Variants in SENP7 observed in about 807,000 individuals in gnomAD.
SENP7 encodes the protein SUMO specific peptidase 7.
Under a neutral mutation model 141.2 loss-of-function variants are expected in SENP7, and 64 were observed. The ratio of observed to expected loss-of-function variants is 0.45; its 90% CI spans 0.37 to 0.56. The LOEUF (loss-of-function observed/expected upper bound fraction) is 0.56, where lower values mean the gene tolerates loss of function less well. Ranked by LOEUF, SENP7 falls within the 20% of genes least tolerant of loss-of-function variation. The pLI is 0.00. For synonymous variants in SENP7, 382 were observed against 426.4 expected, an observed-to-expected ratio of 0.90 and a Z score of 1.28; for missense variants, 1,025 against 1,212.2, an observed-to-expected ratio of 0.85 and a Z score of 2.29.
intron 6 of SENP7, among the ~76,000 whole-genome samples, chr3:101,383,648 G>T (rs917626412): frequency 6.6e-6 from 1 of 152,214 alleles, no homozygotes; most frequent in Non-Finnish European, 1.5e-5. Flanking sequence ...ACCTGGCCAG[G>T]TGTACACATG....
chr3:101,494,629 T>C (rs1027944234), intron 2 of SENP7, among the ~76,000 whole-genome samples: 2 of 152,024 alleles, frequency 1.3e-5, no homozygotes, highest in African/African-American at 4.8e-5. Flanking sequence ...CAGAGAACTC[T>C]GAAATAAGAC....
intron 6 of SENP7, among the ~76,000 whole-genome samples, chr3:101,387,932 C>G (rs2060706077): frequency 6.6e-6 from 1 of 152,150 alleles, no homozygotes; most frequent in East Asian, 1.9e-4. Context: ...TGAGTACAAG[C>G]CTACCTGACA....
intron 4 of SENP7, among the ~76,000 whole-genome samples, chr3:101,450,395 A>G (rs2063082067): frequency 6.6e-6 from 1 of 152,186 alleles, no homozygotes; most frequent in Non-Finnish European, 1.5e-5. Context: ...TCCACCCCCA[A>G]TCAACAGAAT....
intron 4 of SENP7, among the ~76,000 whole-genome samples, chr3:101,453,247 A>T (rs1286680983): frequency 1.3e-5 from 2 of 152,224 alleles, no homozygotes; most frequent in Non-Finnish European, 2.9e-5. Context: ...GAGAAACTGG[A>T]ATACTTTTAC....
At chr3:101,461,733 A>T (rs2063553859) in intron 3 of SENP7, among the ~76,000 whole-genome samples, 1 of 152,202 alleles carries the variant, frequency 6.6e-6, no homozygotes, top group South Asian at 2.1e-4. Context: ...TAGAAGCATT[A>T]TTCAATAACA....
At chr3:101,436,494 A>G (rs2062392777) in intron 4 of SENP7, among the ~76,000 whole-genome samples, 1 of 152,218 alleles carries the variant, frequency 6.6e-6, no homozygotes, top group Non-Finnish European at 1.5e-5. Context: ...CAACCCACAG[A>G]ATGTGAGAAA....
intron 10 of SENP7, among the ~76,000 whole-genome samples, chr3:101,362,533 G>A (rs548195113): frequency 7.2e-4 from 109 of 152,228 alleles, no homozygotes; most frequent in African/African-American, 2.3e-3. Flanking sequence ...AATATTGCGT[G>A]ATGCTGAGGG....
At chr3:101,355,397 A>C (rs2059713592) in intron 11 of SENP7, among the ~76,000 whole-genome samples, 6 of 152,190 alleles carry the variant, frequency 3.9e-5, no homozygotes, top group Admixed American at 3.9e-4. Flanking sequence ...GTATGGTATA[A>C]GGAAGGGGTC....
chr3:101,395,534 G>A (rs189189386), intron 6 of SENP7, among the ~76,000 whole-genome samples: 13 of 152,112 alleles, frequency 8.5e-5, no homozygotes, highest in African/African-American at 3.1e-4. Flanking sequence ...GGTTACTATA[G>A]CCTTGTAATA....
At chr3:101,459,113 A>G in intron 3 of SENP7, 61 bp from the exon 4 acceptor site, 2 of 934,154 alleles carry the variant, frequency 2.1e-6, no homozygotes, top group Non-Finnish European at 3.2e-6. Flanking sequence ...AGGCATTTAA[A>G]CTGTTCTTTT....
intron 4 of SENP7, among the ~76,000 whole-genome samples, chr3:101,450,375 T>C (rs954952629): frequency 6.6e-6 from 1 of 152,204 alleles, no homozygotes; most frequent in African/African-American, 2.4e-5. Context: ...AATAGACATC[T>C]ACAGAACTCT....
chr3:101,376,144 T>C (rs57511276), intron 6 of SENP7, among the ~76,000 whole-genome samples: 60,353 of 151,956 alleles, frequency 0.4, 12,496 homozygotes, highest in Admixed American at 0.54. Context: ...ATATTTAGAA[T>C]AGTCAAATTC....
At chr3:101,476,883 C>A (rs2064240483) in intron 3 of SENP7, among the ~76,000 whole-genome samples, 1 of 151,980 alleles carries the variant, frequency 6.6e-6, no homozygotes, top group South Asian at 2.1e-4. Context: ...GTTTGTTGGC[C>A]GCATAAATGT....
At chr3:101,438,541 C>A (rs945485944) in intron 4 of SENP7, among the ~76,000 whole-genome samples, 2 of 151,642 alleles carry the variant, frequency 1.3e-5, no homozygotes, top group Non-Finnish European at 2.9e-5. Flanking sequence ...TTAAACTGTA[C>A]AATTAAAAAT....
At chr3:101,430,995 C>A (rs1020198618) in intron 4 of SENP7, among the ~76,000 whole-genome samples, 1 of 152,092 alleles carries the variant, frequency 6.6e-6, no homozygotes, top group Non-Finnish European at 1.5e-5. Context: ...GCAGTATGAG[C>A]GGGTTTCTTA....
chr3:101,346,789 C>T (rs566680188), intron 13 of SENP7, among the ~76,000 whole-genome samples: 5 of 151,904 alleles, frequency 3.3e-5, no homozygotes, highest in African/African-American at 7.3e-5. Flanking sequence ...GGATAAAAGA[C>T]TATAAATTGG....
intron 13 of SENP7, chr3:101,347,264 A>G (rs1165288888): frequency 6.6e-6 from 1 of 152,168 alleles, no homozygotes; most frequent in Non-Finnish European, 1.5e-5. Context: ...AAACATGGCA[A>G]ATGACTAAAA....
chr3:101,454,701 T>C (rs1391047334), intron 4 of SENP7, among the ~76,000 whole-genome samples: 1 of 152,190 alleles, frequency 6.6e-6, no homozygotes, highest in Admixed American at 6.5e-5. Context: ...ACAATATTAA[T>C]AAACCTCAAA....
At chr3:101,513,036 C>G in intron 1 of SENP7, 55 bp downstream of exon 1, 1 of 1,593,292 alleles carries the variant, frequency 6.3e-7, no homozygotes, top group Non-Finnish European at 8.6e-7. Context: ...CCTGCGCCTC[C>G]CGTTTCCCCC....
Sources: gnomAD v4.1 joint callset for allele counts (sites outside exome capture counted in the v4.1 genomes callset) on GRCh38, gnomAD v4.1.1 for gene constraint, MANE v1.5 for transcripts, NCBI Gene and HGNC (gene_info 2026-07-23, HGNC 2026-07-21) for gene names.